The following CFAP299 variants were observed in gnomAD, a reference collection of about 807,000 sequenced individuals.
CFAP299 encodes cilia- and flagella-associated protein 299.
Under a neutral mutation model 27.0 loss-of-function variants are expected in CFAP299, and 21 were observed. That is an observed-to-expected ratio of 0.78 (90% CI 0.55 to 1.12). The LOEUF (loss-of-function observed/expected upper bound fraction) is 1.12. CFAP299 is among the 50% of genes most tolerant of loss of function. The pLI is 0.00. For synonymous variants in CFAP299, 104 were observed against 98.1 expected, an observed-to-expected ratio of 1.06 and a Z score of -0.36; for missense variants, 310 against 276.6, an observed-to-expected ratio of 1.12 and a Z score of -0.86.
At position 80,566,996 on chromosome 4, in the gene CFAP299, C is replaced by T. The variant is rs533974125; in HGVS notation, c.243-16097C>T. ...GACAATTTCTTACGGAGAAGCCAAC[C>T]CATTTTTTCTCCTTAAAATAAAAAA... is the stretch of plus-strand genomic sequence containing the variant. On this transcript the variant is annotated intron_variant, in intron 2 of 5. Coordinates refer to ENST00000358105, the MANE Select transcript of CFAP299 (RefSeq NM_152770.3). Among the ~76,000 whole-genome samples the T allele has an allele frequency of 1.5e-4, 22 of 147,604 alleles. No homozygotes were observed. In the East Asian group the frequency reaches 4.4e-3, roughly 30 times the overall value.
At chr4:80,402,270 G>A (rs1726200804) in intron 2 of CFAP299, among the ~76,000 whole-genome samples, 2 of 151,886 alleles carry the variant, frequency 1.3e-5, no homozygotes, top group South Asian at 4.1e-4. Flanking sequence ...GAGGGGCCAG[G>A]GGTGGAATTA....
At chr4:80,941,241 C>T (rs1428210426) in intron 4 of CFAP299, among the ~76,000 whole-genome samples, 1 of 151,920 alleles carries the variant, frequency 6.6e-6, no homozygotes, top group African/African-American at 2.4e-5. Context: ...ATTTTTAATC[C>T]CGGGTTTTTA....
In CFAP299 at chr4:80,504,493, ATATATATATATATT is replaced by A. The variant is rs1731908246; in HGVS notation, c.243-78598_243-78585del. The stretch of plus-strand genomic sequence containing the variant: ...TATATATATATATATATATATATAT[ATATATATATATATT>A]TTCCTTTGAAAGAATGCAATGAATT... On this transcript the variant is annotated intron_variant, in intron 2 of 5. Transcript: ENST00000358105. 3.1e-5 allele frequency among the ~76,000 whole-genome samples: 4 copies of A among 127,194 alleles called. No homozygotes were observed. In the South Asian group the frequency reaches 1.0e-3, roughly 33 times the overall value. The allele number at this position is 127,194 out of a possible 152,430, so 83.4% of individuals were successfully genotyped here.
At chr4:80,333,828 G>A (rs1451447409), upstream of CFAP299, among the ~76,000 whole-genome samples, 1 of 152,190 alleles carries the variant, frequency 6.6e-6, no homozygotes, top group Non-Finnish European at 1.5e-5. Flanking sequence ...CCAAAATAAA[G>A]TATTTCTTGA....
chr4:80,902,513 TA>T (rs1734969584), intron 4 of CFAP299, among the ~76,000 whole-genome samples: 1 of 132,110 alleles, frequency 7.6e-6, no homozygotes, highest in Admixed American at 7.4e-5. Context: ...TATATATCCA[TA>T]TGTATGGATA....
At chr4:80,619,046 G>A (rs1738445322) in intron 3 of CFAP299, among the ~76,000 whole-genome samples, 1 of 152,050 alleles carries the variant, frequency 6.6e-6, no homozygotes, top group African/African-American at 2.4e-5. Context: ...TCAGAAATTA[G>A]AGACAATTTT....
chr4:80,935,469 G>A (rs1736842939), intron 4 of CFAP299, among the ~76,000 whole-genome samples: 1 of 151,674 alleles, frequency 6.6e-6, no homozygotes, highest in African/African-American at 2.4e-5. Flanking sequence ...CAAGCAATGG[G>A]GAAAGTATTC....
chr4:80,829,827 A>T (rs1021867440), intron 3 of CFAP299, among the ~76,000 whole-genome samples: 1 of 152,114 alleles, frequency 6.6e-6, no homozygotes, highest in Non-Finnish European at 1.5e-5. Context: ...GCTAGTGACA[A>T]AAAGACAAAT....
chr4:80,870,488 A>G, intron 4 of CFAP299: 1 of 994,602 alleles, frequency 1.0e-6, no homozygotes, highest in Non-Finnish European at 1.2e-6. Context: ...GTTTTCCTCC[A>G]CTTTTCTTTG....
At chr4:80,406,628 C>T (rs948329079) in intron 2 of CFAP299, among the ~76,000 whole-genome samples, 1 of 152,088 alleles carries the variant, frequency 6.6e-6, no homozygotes. Flanking sequence ...AGTTAGTCTC[C>T]CAAAGCACTG....
intron 3 of CFAP299, among the ~76,000 whole-genome samples, chr4:80,691,009 T>C: frequency 1.4e-5 from 2 of 145,606 alleles, no homozygotes; most frequent in Non-Finnish European, 3.0e-5. Context: ...GTTGAATCTC[T>C]GAATAGACCA....
intron 3 of CFAP299, among the ~76,000 whole-genome samples, chr4:80,835,565 T>A (rs1247406359): frequency 6.6e-6 from 1 of 151,996 alleles, no homozygotes; most frequent in Non-Finnish European, 1.5e-5. Flanking sequence ...CAGGTTCTAA[T>A]CCCTGGAAAC....
At chr4:80,707,525 A>T (rs185604384) in intron 3 of CFAP299, among the ~76,000 whole-genome samples, 1 of 152,126 alleles carries the variant, frequency 6.6e-6, no homozygotes, top group African/African-American at 2.4e-5. Flanking sequence ...CAAGTGACAC[A>T]ATTATAATTC....
rs566448659 is a variant in CFAP299, at chr4:80,661,911, A to C, written c.333+78728A>C. Among the ~76,000 whole-genome samples, 10 of 152,258 alleles carry C rather than the reference A, an allele frequency of 6.6e-5. No individual in the cohort carries two copies. The East Asian group carries it at 1.9e-3, about 29-fold the overall frequency. Reference sequence around the variant, plus strand: ...GCCGCTTTGGTGACAGCCGTCTTTTACAGTTGTGGATAAGGGATAAAATAA... The same window carrying C: ...GCCGCTTTGGTGACAGCCGTCTTTTCCAGTTGTGGATAAGGGATAAAATAA... On this transcript the variant is annotated intron_variant, in intron 3 of 5. Coordinates refer to ENST00000358105, the MANE Select transcript of CFAP299 (RefSeq NM_152770.3).
chr4:80,384,113 A>AT (rs1230883900), intron 2 of CFAP299, among the ~76,000 whole-genome samples: 1 of 151,984 alleles, frequency 6.6e-6, no homozygotes, highest in Non-Finnish European at 1.5e-5. Flanking sequence ...CATTGTTTTC[A>AT]TTTTTTATAT....
chr4:80,866,096 T>TATATATATATATATATA (rs1732729159), intron 3 of CFAP299, among the ~76,000 whole-genome samples: 5 of 130,420 alleles, frequency 3.8e-5, no homozygotes, highest in Non-Finnish European at 8.2e-5. Context: ...TATATATATA[T>TATATATATATATATATA]CTTCCCAAAT....
intron 3 of CFAP299, among the ~76,000 whole-genome samples, chr4:80,689,796 C>T (rs1720524955): frequency 6.6e-6 from 1 of 152,066 alleles, no homozygotes; most frequent in Non-Finnish European, 1.5e-5. Context: ...TTCAGGAAAC[C>T]CATCTCACAT....
rs143155550 is a variant in CFAP299, at chr4:80,686,243, A to T, written c.333+103060A>T. Among the ~76,000 whole-genome samples the T allele has an allele frequency of 5.1e-3, 770 of 152,286 alleles. 5 individuals are homozygous for T. Among genetic ancestry groups the T allele is most frequent in the Middle Eastern group, 0.02 (6 of 294 alleles). ...TTCTACTCATGAGTGGCAATTGCTC[A>T]TGAATTCTGTCTGGCCATTCCCACA... is the stretch of plus-strand genomic sequence containing the variant. On this transcript the variant is annotated intron_variant, in intron 3 of 5. Transcript: ENST00000358105.
intron 3 of CFAP299, among the ~76,000 whole-genome samples, chr4:80,844,526 G>A (rs1731055685): frequency 2.0e-5 from 3 of 152,090 alleles, no homozygotes; most frequent in African/African-American, 7.2e-5. Flanking sequence ...ATTTTTTCAT[G>A]TGCCTTTTGG....
Sources: gnomAD v4.1 joint callset for allele counts (sites outside exome capture counted in the v4.1 genomes callset) on GRCh38, gnomAD v4.1.1 for gene constraint, MANE v1.5 for transcripts, NCBI Gene and HGNC (gene_info 2026-07-23, HGNC 2026-07-21) for gene names.